UBR3: variants seen among roughly 807,000 people sequenced by gnomAD.
UBR3 encodes the protein ubiquitin protein ligase E3 component n-recognin 3.
A neutral mutation model predicts 243.2 loss-of-function variants in UBR3; 85 were observed. The ratio of observed to expected loss-of-function variants is 0.35; its 90% confidence interval spans 0.29 to 0.42. The LOEUF (loss-of-function observed/expected upper bound fraction) is 0.42. UBR3 is among the 10% of genes least tolerant of loss of function. The pLI is 1.00. For missense variants in UBR3, 1,686 were observed against 2,300.8 expected, an observed-to-expected ratio of 0.73 and a Z score of 5.47; for synonymous variants, 748 against 799.8, an observed-to-expected ratio of 0.94 and a Z score of 1.09.
intron 26 of UBR3, among the ~76,000 whole-genome samples, chr2:169,997,119 CTATT>C (rs2105396683): frequency 2.4e-5 from 1 of 40,886 alleles, no homozygotes; most frequent in South Asian, 1.3e-3. Context: ...CAGAAATTTA[CTATT>C]TAGACTTTAT....
intron 2 of UBR3, among the ~76,000 whole-genome samples, chr2:169,875,269 A>G (rs1467687093): frequency 1.3e-5 from 2 of 152,062 alleles, no homozygotes; most frequent in South Asian, 2.1e-4. Flanking sequence ...TTTTTTTGAA[A>G]TGATCTTATG....
intron 1 of UBR3, among the ~76,000 whole-genome samples, chr2:169,863,081 T>C (rs1335183256): frequency 6.6e-6 from 1 of 152,234 alleles, no homozygotes; most frequent in East Asian, 1.9e-4. Context: ...GGTTTCGTTA[T>C]TTGAGTTGGC....
At chr2:169,892,197 G>A (rs1181789820) in intron 6 of UBR3, among the ~76,000 whole-genome samples, 1 of 152,148 alleles carries the variant, frequency 6.6e-6, no homozygotes, top group Non-Finnish European at 1.5e-5. Context: ...TGCAGTCCAG[G>A]ATGCACACAT....
At chr2:170,035,955 A>G (rs1236049766) in intron 31 of UBR3, among the ~76,000 whole-genome samples, 1 of 147,046 alleles carries the variant, frequency 6.8e-6, no homozygotes, top group Non-Finnish European at 1.5e-5. Context: ...GTTTATTTTC[A>G]AATTCCAATT....
intron 22 of UBR3, among the ~76,000 whole-genome samples, chr2:169,948,950 C>A (rs953124198): frequency 6.6e-6 from 1 of 151,210 alleles, no homozygotes; most frequent in South Asian, 2.1e-4. Flanking sequence ...TAGTCCTTGA[C>A]CCACAAACCA....
At position 169,994,594 on chromosome 2, in the gene UBR3, T is replaced by C. The variant is rs557967952; in HGVS notation, c.3918+138T>C. 89 of 897,178 alleles carry C rather than the reference T, an allele frequency of 9.9e-5. No homozygotes were observed. The African/African-American group carries it at 1.4e-3, about 14-fold the overall frequency. The allele number at this position is 897,178 out of a possible 1,614,324, so 55.6% of individuals were successfully genotyped here. ...TATTAGAAAAAAATTAATATGTGGATAGAAAGAAATGGAAATCTGTTAATA... is the reference window on the plus strand; with the variant it reads ...TATTAGAAAAAAATTAATATGTGGACAGAAAGAAATGGAAATCTGTTAATA... On this transcript the variant is annotated intron_variant, in intron 26 of 38. Transcript: ENST00000272793.
intron 25 of UBR3, among the ~76,000 whole-genome samples, chr2:169,990,537 A>G (rs908542172): frequency 6.6e-6 from 1 of 152,134 alleles, no homozygotes; most frequent in Non-Finnish European, 1.5e-5. Flanking sequence ...TTTGTAAACC[A>G]AATAATAATG....
chr2:169,857,059 A>ATTTTG (rs1223202083), intron 1 of UBR3, among the ~76,000 whole-genome samples: 10 of 57,352 alleles, frequency 1.7e-4, no homozygotes, highest in East Asian at 8.8e-4. Context: ...GCATAATTTT[A>ATTTTG]TTATGTTTTT....
At chr2:170,077,263 A>G in intron 36 of UBR3, 2 of 740,030 alleles carry the variant, frequency 2.7e-6, no homozygotes, top group Admixed American at 1.7e-5. Flanking sequence ...CATCATTTTC[A>G]GGATTGTTGG....
At chr2:169,886,791 G>C (rs1447121585) in intron 5 of UBR3, among the ~76,000 whole-genome samples, 1 of 152,208 alleles carries the variant, frequency 6.6e-6, no homozygotes, top group Non-Finnish European at 1.5e-5. Flanking sequence ...TGACAAGTTA[G>C]AACTCCCTTG....
At chr2:170,004,653 A>G (rs62172017) in intron 27 of UBR3, among the ~76,000 whole-genome samples, 10,324 of 151,994 alleles carry the variant, frequency 0.068, 369 homozygotes, top group Non-Finnish European at 0.086. Flanking sequence ...GCTCATGCCT[A>G]TAATTTCAGC....
At chr2:170,029,876 T>G (rs1001700987) in intron 31 of UBR3, among the ~76,000 whole-genome samples, 6 of 152,064 alleles carry the variant, frequency 3.9e-5, no homozygotes, top group African/African-American at 1.4e-4. Flanking sequence ...AAATGGTGAT[T>G]TAAAAAAATG....
intron 18 of UBR3, among the ~76,000 whole-genome samples, chr2:169,929,169 AAAAC>A (rs1369492941): frequency 6.6e-6 from 1 of 152,216 alleles, no homozygotes; most frequent in Non-Finnish European, 1.5e-5. Flanking sequence ...CAGAAACTAT[AAAAC>A]AAAATGTATA....
intron 38 of UBR3, 114 bp from the exon 39 acceptor site, chr2:170,081,612 C>T (rs1252819148): frequency 3.2e-6 from 2 of 624,532 alleles, no homozygotes; most frequent in Non-Finnish European, 5.1e-6. Flanking sequence ...ATTGCTTGAA[C>T]CCAGGAGGCG....
chr2:169,887,771 T>C (rs528576533), intron 5 of UBR3, among the ~76,000 whole-genome samples: 9 of 150,930 alleles, frequency 6.0e-5, no homozygotes, highest in African/African-American at 2.2e-4. Flanking sequence ...ATTTTTTTCT[T>C]TTTCTTTCTT....
At chr2:169,976,094 A>G (rs955521560) in intron 24 of UBR3, among the ~76,000 whole-genome samples, 4 of 139,124 alleles carry the variant, frequency 2.9e-5, no homozygotes, top group East Asian at 2.1e-4. Flanking sequence ...TGTAGGCAGC[A>G]TATAGTTGGG....
chr2:169,925,701 C>G lies in UBR3; in HGVS notation c.2105C>G (p.Ser702Cys), dbSNP rs1214812986. Reference protein sequence around the residue: ...IKGQAMTYVQSHFCNSMIDPD... With the variant: ...IKGQAMTYVQCHFCNSMIDPD... Reference sequence around the variant, plus strand: ...GGACAAGCCATGACGTATGTCCAGTCTCATTTCTGTAATTCCATGATTGAT... The same window carrying G: ...GGACAAGCCATGACGTATGTCCAGTGTCATTTCTGTAATTCCATGATTGAT... The change falls in exon 14 of 39, where the codon TCT (serine) becomes TGT (cysteine). Residue 702 changes from serine (S) to cysteine (C), a missense_variant. Around this residue, in one of 8 missense-constraint regions of UBR3, gnomAD observed 346 missense variants for 585.8 expected, o/e 0.59. Transcript: ENST00000272793. 6.4e-7 allele frequency: 1 copy of G among 1,550,774 alleles called. No individual in the cohort carries two copies. Among genetic ancestry groups the G allele is most frequent in the Non-Finnish European group, 8.7e-7 (1 of 1,146,542 alleles).
intron 1 of UBR3, among the ~76,000 whole-genome samples, chr2:169,830,104 C>T (rs1413943045): frequency 5.3e-5 from 8 of 151,874 alleles, no homozygotes; most frequent in African/African-American, 1.9e-4. Flanking sequence ...TTCAATTTGC[C>T]ATTCTTTAAT....
chr2:169,896,366 C>G (rs1011800201), intron 7 of UBR3, 141 bp from the exon 8 acceptor site: 16 of 545,156 alleles, frequency 2.9e-5, no homozygotes, highest in Non-Finnish European at 4.6e-5. Context: ...ACTACCTCAC[C>G]ATCGAGATTT....
Sources: gnomAD v4.1 joint callset for allele counts (sites outside exome capture counted in the v4.1 genomes callset) on GRCh38, gnomAD v4.1.1 for gene constraint, gnomAD v4.1.1 regional missense constraint, MANE v1.5 for transcripts, NCBI Gene and HGNC (gene_info 2026-07-23, HGNC 2026-07-21) for gene names.